The following PIAS1 variants were observed in gnomAD, a reference collection of about 807,000 sequenced individuals.
PIAS1 encodes E3 SUMO-protein ligase PIAS1.
PIAS1 carries 6 observed loss-of-function variants against 71.3 expected under a neutral mutation model. That is an observed-to-expected ratio of 0.08 (90% CI 0.05 to 0.17). PIAS1 has a LOEUF of 0.17. Among genes scored for constraint, PIAS1 ranks in the 10% least tolerant of loss-of-function variants. The pLI is 1.00. For synonymous variants in PIAS1, 303 were observed against 292.9 expected (o/e 1.03, Z -0.35); for missense variants, 555 against 793.6 (o/e 0.70, Z 3.61).
chr15:68,152,125 A>AT (rs2092851667), intron 6 of PIAS1, among the ~76,000 whole-genome samples: 3 of 150,844 alleles, frequency 2.0e-5, no homozygotes, highest in African/African-American at 7.3e-5. Flanking sequence ...AGTTTTTTGT[A>AT]TTTTTAGTAG....
rs976764613 is a variant in PIAS1, at chr15:68,086,112, A to G, written c.25-194A>G. Among the ~76,000 whole-genome samples the G allele has an allele frequency of 6.6e-6, 1 of 152,156 alleles. No individual in the cohort carries two copies. The highest frequency in any genetic ancestry group is 2.4e-5 in the African/African-American group (1 of 41,420). On this transcript the variant is annotated intron_variant, in intron 1 of 13. Coordinates refer to ENST00000249636, the MANE Select transcript of PIAS1 (RefSeq NM_016166.3). This position sits in a 1 kb window ranked among gnomAD's most constrained non-coding sequence, Gnocchi z 7.2. ...AGGGTAGAAGTCAATGAATTTATGA[A>G]TATTAATTTTAAATTTCTTTGGTTA...
intron 2 of PIAS1, among the ~76,000 whole-genome samples, chr15:68,105,870 A>T (rs1314588509): frequency 1.3e-5 from 2 of 152,192 alleles, no homozygotes; most frequent in Admixed American, 1.3e-4. Flanking sequence ...GTTCTTAATG[A>T]TAGTGGCTTG....
At chr15:68,092,421 C>T (rs1247699814) in intron 2 of PIAS1, among the ~76,000 whole-genome samples, 1 of 152,128 alleles carries the variant, frequency 6.6e-6, no homozygotes, top group Non-Finnish European at 1.5e-5. Flanking sequence ...AGTCCGCTCA[C>T]CTCAGCCTCT....
intron 2 of PIAS1, among the ~76,000 whole-genome samples, chr15:68,137,548 C>CT (rs2092742090): frequency 6.6e-6 from 1 of 152,000 alleles, no homozygotes; most frequent in Non-Finnish European, 1.5e-5. Context: ...AGGAGTACAG[C>CT]ACCGAGATCA....
chr15:68,153,341 A>G lies in PIAS1; in HGVS notation c.829-249A>G, dbSNP rs12908465. On this transcript the variant is annotated intron_variant, in intron 6 of 13. Transcript: ENST00000249636. ...CTAGGTTTGTTACTTGAAAATTGCA[A>G]AATTAGGGCAAGTTCTTTTACTTCT... Among the ~76,000 whole-genome samples the G allele has an allele frequency of 9.7e-3, 1,479 of 152,268 alleles. 13 individuals are homozygous for G. Among genetic ancestry groups the G allele is most frequent in the Non-Finnish European group, 0.017 (1,166 of 68,008 alleles).
rs148242031 is a variant in PIAS1 at position 68,099,748 on chromosome 15, G to A, written c.469+12998G>A. On this transcript the variant is annotated intron_variant, in intron 2 of 13. Transcript: ENST00000249636. ...ACCACTTTCTGTTTCTTCTGGTATT[G>A]TATGAGAGGTCCAGTTTTTCTCTGT... Among the ~76,000 whole-genome samples, 165 of 151,822 alleles carry A rather than the reference G, an allele frequency of 1.1e-3. 1 individual carries two copies. The highest frequency in any genetic ancestry group is 3.9e-3 in the African/African-American group (163 of 41,462).
chr15:68,180,478 C>T (rs1166719472), intron 11 of PIAS1, among the ~76,000 whole-genome samples: 4 of 148,626 alleles, frequency 2.7e-5, no homozygotes, highest in Non-Finnish European at 6.0e-5. Flanking sequence ...AAAAAAAAAG[C>T]TACTTAGCTA....
At chr15:68,138,311 A>G (rs2092747433) in intron 2 of PIAS1, among the ~76,000 whole-genome samples, 1 of 152,128 alleles carries the variant, frequency 6.6e-6, no homozygotes, top group Non-Finnish European at 1.5e-5. Flanking sequence ...GAACTGCTTG[A>G]AAGTGGTACA....
rs1595801799 is a variant in PIAS1 at position 68,187,438 on chromosome 15, A to G, written c.1663-104A>G. ...TTAGTAAATATTTCAGAAACCCTAG[A>G]TACTCAGGCTATCTTAAATTTAGGG... On this transcript the variant is annotated intron_variant, in intron 13 of 13. Coordinates refer to ENST00000249636, the MANE Select transcript of PIAS1 (RefSeq NM_016166.3). The surrounding 1 kb of genome is among the most constrained non-coding windows in gnomAD (Gnocchi z 5.3). The G allele has an allele frequency of 9.8e-7, 1 of 1,024,824 alleles. No individual in the cohort carries two copies. Among genetic ancestry groups the G allele is most frequent in the South Asian group, 1.6e-5 (1 of 64,206 alleles). The allele number at this position is 1,024,824 out of a possible 1,614,324, so 63.5% of individuals were successfully genotyped here.
intron 7 of PIAS1, among the ~76,000 whole-genome samples, chr15:68,157,096 C>G (rs2092895595): frequency 6.6e-6 from 1 of 152,136 alleles, no homozygotes; most frequent in Non-Finnish European, 1.5e-5. Context: ...TACTCAAGCA[C>G]TAGGTAACAT....
At chr15:68,095,822 C>T (rs1199437255) in intron 2 of PIAS1, among the ~76,000 whole-genome samples, 5 of 152,156 alleles carry the variant, frequency 3.3e-5, no homozygotes, top group African/African-American at 7.2e-5. Context: ...TGAGCCACCA[C>T]GCCTGGCCCA....
chr15:68,059,668 C>T lies in PIAS1; in HGVS notation c.24+5318C>T, dbSNP rs568164440. On this transcript the variant is annotated intron_variant, in intron 1 of 13. Coordinates refer to ENST00000249636, the MANE Select transcript of PIAS1 (RefSeq NM_016166.3). ...AGAGGTTGCAGCGAGATTGCGCCAC[C>T]GGACTCCAGCCTGGGCTACAGTGTG... is the stretch of plus-strand genomic sequence containing the variant. Among the ~76,000 whole-genome samples the T allele has an allele frequency of 1.5e-4, 22 of 144,966 alleles. No individual in the cohort carries two copies. In the South Asian group the frequency reaches 4.3e-3, roughly 29 times the overall value.
At position 68,121,263 on chromosome 15, in the gene PIAS1, GTT is replaced by G. The variant is rs71455578; in HGVS notation, c.470-20672_470-20671del. Among the ~76,000 whole-genome samples, 32 of 139,660 alleles carry G rather than the reference GTT, an allele frequency of 2.3e-4. 1 individual carries two copies. In the East Asian group the frequency reaches 3.9e-3, roughly 17 times the overall value. 91.6% of individuals were successfully genotyped at this position (139,660 alleles called of 152,430 possible). On this transcript the variant is annotated intron_variant, in intron 2 of 13. Coordinates refer to ENST00000249636, the MANE Select transcript of PIAS1 (RefSeq NM_016166.3). ...GTGTTAACAGTTGACATGTTTTTTT[GTT>G]TTTTTTTTTTCTTTTGGCACTTCAA... is the stretch of plus-strand genomic sequence containing the variant.
intron 2 of PIAS1, among the ~76,000 whole-genome samples, chr15:68,127,913 C>T (rs963631959): frequency 1.3e-5 from 2 of 152,216 alleles, no homozygotes; most frequent in East Asian, 3.9e-4. Context: ...CAGGTGCACG[C>T]CACCACGCCC....
chr15:68,070,840 T>TG lies in PIAS1; in HGVS notation c.25-15465dup, dbSNP rs532602455. On this transcript the variant is annotated intron_variant, in intron 1 of 13. Transcript: ENST00000249636. ...CTCACTATGTTGGCCAGGCTGGTCTTGAACTCCTGGGCTCAAGTGATTGTC... is the reference window on the plus strand; with the variant it reads ...CTCACTATGTTGGCCAGGCTGGTCTTGGAACTCCTGGGCTCAAGTGATTGTC... Among the ~76,000 whole-genome samples the TG allele has an allele frequency of 8.3e-4, 127 of 152,282 alleles. 1 individual carries two copies. The highest frequency in any genetic ancestry group is 8.0e-3 in the Admixed American group (122 of 15,298).
intron 1 of PIAS1, among the ~76,000 whole-genome samples, chr15:68,074,335 A>T (rs1202758185): frequency 1.3e-5 from 2 of 152,128 alleles, no homozygotes; most frequent in Non-Finnish European, 2.9e-5. Context: ...AATTAAATTT[A>T]AAAAAATTTT....
chr15:68,151,545 C>A (rs1458992778), intron 6 of PIAS1, among the ~76,000 whole-genome samples: 1 of 151,834 alleles, frequency 6.6e-6, no homozygotes, highest in Non-Finnish European at 1.5e-5. Flanking sequence ...TCCAGTTGGG[C>A]CTGGTGACTC....
In PIAS1 at chr15:68,129,421, G is replaced by A. The variant is rs143890980; in HGVS notation, c.470-12525G>A. ...TATAAAGCTATATATATACTTGACC[G>A]TAAACATAATAGCTAATTCAAAACA... On this transcript the variant is annotated intron_variant, in intron 2 of 13. Transcript: ENST00000249636. Among the ~76,000 whole-genome samples the A allele has an allele frequency of 4.1e-4, 63 of 152,052 alleles. 1 individual carries two copies. Among genetic ancestry groups the A allele is most frequent in the East Asian group, 3.3e-3 (17 of 5,170 alleles).
At chr15:68,181,145 C>G (rs918126179) in intron 11 of PIAS1, 67 bp from the exon 12 acceptor site, 1 of 1,418,012 alleles carries the variant, frequency 7.1e-7, no homozygotes, top group Non-Finnish European at 9.8e-7. Flanking sequence ...AGATACAACC[C>G]CTTTTTTTGT....
Sources: gnomAD v4.1 joint callset for allele counts (sites outside exome capture counted in the v4.1 genomes callset) on GRCh38, gnomAD v4.1.1 for gene constraint, Gnocchi (gnomAD v3.1) non-coding constraint, MANE v1.5 for transcripts, NCBI Gene and HGNC (gene_info 2026-07-23, HGNC 2026-07-21) for gene names.